SPHKAP: variants seen among roughly 807,000 people sequenced by gnomAD.
SPHKAP encodes the protein A-kinase anchor protein SPHKAP.
In SPHKAP, 67 loss-of-function variants were observed where a neutral mutation model predicts 137.5. That is an observed-to-expected ratio of 0.49 (90% CI 0.40 to 0.60). SPHKAP has a LOEUF of 0.60. SPHKAP is among the 20% of genes least tolerant of loss of function. The probability of loss-of-function intolerance (pLI) is 0.00; values close to 1 mark genes in which losing one functional copy is unlikely to be tolerated. For synonymous variants in SPHKAP, 813 were observed against 785.3 expected (o/e 1.04, Z -0.59); for missense variants, 2,097 against 2,069.3 (o/e 1.01, Z -0.26).
chr2:228,074,477 T>A (rs1311424176), intron 3 of SPHKAP, among the ~76,000 whole-genome samples: 2 of 151,890 alleles, frequency 1.3e-5, no homozygotes, highest in East Asian at 3.9e-4. Context: ...GGAGAATGAG[T>A]GCTGGCAGGG....
chr2:228,137,492 G>T (rs1433475676), intron 1 of SPHKAP, among the ~76,000 whole-genome samples: 3 of 152,182 alleles, frequency 2.0e-5, no homozygotes, highest in African/African-American at 7.2e-5. Context: ...TTGCTAAAAT[G>T]TCAAGTAAAC....
chr2:228,110,609 G>A (rs911024814), intron 2 of SPHKAP, among the ~76,000 whole-genome samples: 2 of 147,066 alleles, frequency 1.4e-5, no homozygotes, highest in Middle Eastern at 3.2e-3. Context: ...AGACTACTTT[G>A]ATAATAATAC....
At chr2:228,074,168 G>C (rs1485680890) in intron 3 of SPHKAP, among the ~76,000 whole-genome samples, 1 of 152,150 alleles carries the variant, frequency 6.6e-6, no homozygotes, top group Non-Finnish European at 1.5e-5. Context: ...AAAAAGAAGT[G>C]TTTGCAATGC....
At chr2:228,161,177 G>T (rs1700262034) in intron 1 of SPHKAP, among the ~76,000 whole-genome samples, 1 of 152,210 alleles carries the variant, frequency 6.6e-6, no homozygotes, top group African/African-American at 2.4e-5. Context: ...GCTTATAAAG[G>T]ATGAATAGGA....
chr2:228,159,032 G>A (rs1014384938), intron 1 of SPHKAP, among the ~76,000 whole-genome samples: 3 of 152,106 alleles, frequency 2.0e-5, no homozygotes, highest in Non-Finnish European at 4.4e-5. Context: ...CAAGACTGAG[G>A]GATGAAGTAA....
chr2:228,091,344 G>T, intron 3 of SPHKAP, among the ~76,000 whole-genome samples: 1 of 152,154 alleles, frequency 6.6e-6, no homozygotes, highest in East Asian at 1.9e-4. Context: ...ACCCGTTCTA[G>T]ACATTGGCTT....
At chr2:228,104,547 A>C (rs1698282192) in intron 3 of SPHKAP, among the ~76,000 whole-genome samples, 2 of 151,982 alleles carry the variant, frequency 1.3e-5, no homozygotes, top group African/African-American at 2.4e-5. Flanking sequence ...ATTATATGAG[A>C]TGTCATTTGT....
chr2:228,141,452 G>A (rs960418683), intron 1 of SPHKAP, among the ~76,000 whole-genome samples: 1 of 152,108 alleles, frequency 6.6e-6, no homozygotes, highest in Non-Finnish European at 1.5e-5. Flanking sequence ...GAGTCTCCTT[G>A]ATAGGTTTTC....
rs1279327295 is a variant in SPHKAP, at chr2:228,154,369, A to G, written c.33-22284T>C. ...TTATAGAATTCCCCTTAGTTTTTAT[A>G]TTTGAAGAAAAAAATTAGTTAAAAA... On this transcript the variant is annotated intron_variant, in intron 1 of 11. Transcript: ENST00000392056. Among the ~76,000 whole-genome samples the G allele has an allele frequency of 2.0e-5, 3 of 151,068 alleles. No homozygotes were observed. In the East Asian group the frequency reaches 5.8e-4, roughly 29 times the overall value.
chr2:228,025,314 A>G, intron 5 of SPHKAP, 80 bp downstream of exon 5: 4 of 1,368,180 alleles, frequency 2.9e-6, no homozygotes, highest in African/African-American at 1.5e-5. Flanking sequence ...TATGTGTAGC[A>G]TCTGTTTGGG....
intron 7 of SPHKAP, among the ~76,000 whole-genome samples, chr2:228,014,918 A>C (rs1694509738): frequency 6.6e-6 from 1 of 152,000 alleles, no homozygotes; most frequent in African/African-American, 2.4e-5. Flanking sequence ...TTTTAAATTT[A>C]ATTTTATTAT....
Position 228,132,147 on chromosome 2 carries a change from ATAAT to A in SPHKAP, c.33-66_33-63del, listed in dbSNP as rs570934808. The A allele has an allele frequency of 3.0e-6, 4 of 1,349,234 alleles. No homozygotes were observed. In the Admixed American group the frequency reaches 6.8e-5, roughly 23 times the overall value. The allele number at this position is 1,349,234 out of a possible 1,614,324, so 83.6% of individuals were successfully genotyped here. On this transcript the variant is annotated intron_variant, in intron 1 of 11. Transcript: ENST00000392056. Reference sequence around the variant, plus strand: ...GAGTCATATCTATATTTGGAAATAAATAATAAGTAAATCACAACATGGTGTATCA... The same window carrying A: ...GAGTCATATCTATATTTGGAAATAAAAAGTAAATCACAACATGGTGTATCA...
At chr2:228,169,746 C>T (rs1461841383) in intron 1 of SPHKAP, 2 of 151,964 alleles carry the variant, frequency 1.3e-5, no homozygotes, top group Non-Finnish European at 2.9e-5. Flanking sequence ...ACATTTTGTG[C>T]TTGCTTACAC....
chr2:228,175,720 T>TTAAAAAAAGAGATTTTTAGATGAGA (rs1700719203), intron 1 of SPHKAP, among the ~76,000 whole-genome samples: 1 of 151,908 alleles, frequency 6.6e-6, no homozygotes, highest in African/African-American at 2.4e-5. Context: ...AACACATCAA[T>TTAAAAAAAGAGATTTTTAGATGAGA]TAAAAAAAGA....
Position 228,021,825 on chromosome 2 carries a change from T to C in SPHKAP, c.583A>G (p.Asn195Asp), listed in dbSNP as rs144430386. Residue 195 changes from asparagine to aspartate, a missense_variant, in exon 6 of 12, where the codon AAC becomes GAC. Physicochemically the swap from Asn to Asp is conservative, Grantham distance 23. Transcript: ENST00000392056. ...VQERQLHLETNILKLEDDTNC... is the reference protein window; with the variant it reads ...VQERQLHLETDILKLEDDTNC... ...GTGTCATCCTCCAGTTTCAAGATGT[T>C]TGTTTCCAGGTGGAGCTGTCGCTCC... 111 of 1,614,152 alleles carry C rather than the reference T, an allele frequency of 6.9e-5. No homozygotes were observed. The African/African-American group carries it at 1.3e-3, about 19-fold the overall frequency.
At chr2:228,006,322 T>C (rs1230560208) in intron 7 of SPHKAP, among the ~76,000 whole-genome samples, 1 of 152,252 alleles carries the variant, frequency 6.6e-6, no homozygotes, top group African/African-American at 2.4e-5. Flanking sequence ...TTTCTTCCAG[T>C]TGATCGAATC....
At chr2:228,169,253 T>C (rs1222329945) in intron 1 of SPHKAP, among the ~76,000 whole-genome samples, 1 of 152,192 alleles carries the variant, frequency 6.6e-6, no homozygotes, top group Admixed American at 6.5e-5. Context: ...ATTTTCAATG[T>C]AAATGAAAAA....
intron 3 of SPHKAP, among the ~76,000 whole-genome samples, chr2:228,108,212 A>T (rs1461848384): frequency 6.6e-6 from 1 of 152,246 alleles, no homozygotes; most frequent in Non-Finnish European, 1.5e-5. Context: ...AAAATGAAAC[A>T]TATAGTTTTC....
At chr2:228,122,582 C>G (rs1698947562) in intron 2 of SPHKAP, among the ~76,000 whole-genome samples, 1 of 152,200 alleles carries the variant, frequency 6.6e-6, no homozygotes, top group Non-Finnish European at 1.5e-5. Flanking sequence ...AGGGTCACCA[C>G]ATTGACATCT....
Sources: gnomAD v4.1 joint callset for allele counts (sites outside exome capture counted in the v4.1 genomes callset) on GRCh38, gnomAD v4.1.1 for gene constraint, MANE v1.5 for transcripts, NCBI Gene and HGNC (gene_info 2026-07-23, HGNC 2026-07-21) for gene names.